SHLD2: variants seen among roughly 807,000 people sequenced by gnomAD.
SHLD2 encodes the protein RINN1-REV7-interacting novel NHEJ regulator 2.
SHLD2 carries 30 observed loss-of-function variants against 73.2 expected under a neutral mutation model. The ratio of observed to expected loss-of-function variants is 0.41; its 90% CI spans 0.31 to 0.56. The LOEUF is 0.56. Among genes scored for constraint, SHLD2 ranks in the 20% least tolerant of loss-of-function variants. SHLD2 has a pLI of 0.28. For synonymous variants in SHLD2, 285 were observed against 370.1 expected (o/e 0.77, Z 2.64); for missense variants, 745 against 1,055.9 (o/e 0.71, Z 4.08).
intron 2 of SHLD2, chr10:87,115,489 A>G (rs1843193134): frequency 6.8e-6 from 1 of 147,894 alleles, no homozygotes; most frequent in Non-Finnish European, 1.5e-5. Flanking sequence ...TCTGTTGGGA[A>G]TGCCCTGAAA....
At chr10:87,133,975 G>A (rs1844614624) in intron 2 of SHLD2, among the ~76,000 whole-genome samples, 1 of 152,156 alleles carries the variant, frequency 6.6e-6, no homozygotes, top group Non-Finnish European at 1.5e-5. Context: ...TAAACAATGA[G>A]ACAAATACAT....
intron 3 of SHLD2, among the ~76,000 whole-genome samples, chr10:87,153,756 G>A (rs536956665): frequency 2.0e-5 from 3 of 152,260 alleles, no homozygotes; most frequent in Non-Finnish European, 2.9e-5. Flanking sequence ...CTACTTTTCA[G>A]TTGAGGAAGC....
chr10:87,095,321 TG>T (rs1436313625), intron 1 of SHLD2, 73 bp downstream of exon 1: 507 of 151,796 alleles, frequency 3.3e-3, no homozygotes, highest in Non-Finnish European at 5.1e-3. Context: ...GGCTGGCCTC[TG>T]TAGGGCGCTC....
At chr10:87,140,014 A>G (rs1045433751) in intron 2 of SHLD2, among the ~76,000 whole-genome samples, 3 of 152,214 alleles carry the variant, frequency 2.0e-5, no homozygotes, top group Non-Finnish European at 4.4e-5. Flanking sequence ...AAATACTAGA[A>G]CAAAGTTAAT....
At chr10:87,145,702 G>GTTCATCC (rs557470578) in intron 2 of SHLD2, among the ~76,000 whole-genome samples, 4,957 of 149,820 alleles carry the variant, frequency 0.033, 64 homozygotes, top group Middle Eastern at 0.11. Context: ...AGTTCATCCT[G>GTTCATCC]TTTTAGAAAT....
At chr10:87,112,377 A>G (rs1842983988) in intron 2 of SHLD2, among the ~76,000 whole-genome samples, 1 of 152,112 alleles carries the variant, frequency 6.6e-6, no homozygotes, top group African/African-American at 2.4e-5. Context: ...TAAAAATCAC[A>G]GTGAGGCCAG....
intron 2 of SHLD2, among the ~76,000 whole-genome samples, chr10:87,127,056 A>G (rs969722331): frequency 1.3e-5 from 2 of 152,120 alleles, no homozygotes; most frequent in African/African-American, 4.8e-5. Flanking sequence ...CATCTGACAC[A>G]GTTACATTTA....
intron 9 of SHLD2, among the ~76,000 whole-genome samples, chr10:87,189,857 A>G (rs1404416355): frequency 6.6e-6 from 1 of 152,194 alleles, no homozygotes; most frequent in African/African-American, 2.4e-5. Flanking sequence ...AAAAATGAAT[A>G]TATGCATAAG....
chr10:87,120,254 A>AT (rs764204596), intron 2 of SHLD2, among the ~76,000 whole-genome samples: 88 of 149,614 alleles, frequency 5.9e-4, no homozygotes, highest in African/African-American at 2.1e-3. Flanking sequence ...TTATTTATTT[A>AT]TTTATTTTTT....
chr10:87,190,670 A>G lies in SHLD2; in HGVS notation c.2702A>G (p.Asn901Ser), dbSNP rs1013055853. Reference sequence around the variant, plus strand: ...CCTGACATTGTAAAGCATGGAGCCAATGCCCGTCTCTGAGGCCAGAGGAAG... The same window carrying G: ...CCTGACATTGTAAAGCATGGAGCCAGTGCCCGTCTCTGAGGCCAGAGGAAG... ...FYPDIVKHGANARL is the reference protein window; with the variant it reads ...FYPDIVKHGASARL Residue 901 changes from asparagine (N) to serine (S), a missense_variant, in exon 10 of 10, where the codon AAT (asparagine) becomes AGT (serine). Physicochemically the swap from Asn to Ser is conservative, Grantham distance 46 (BLOSUM62 1). Transcript: ENST00000298786. The G allele has an allele frequency of 1.2e-6, 2 of 1,611,758 alleles. No homozygotes were observed. Among genetic ancestry groups the G allele is most frequent in the African/African-American group, 1.3e-5 (1 of 74,838 alleles).
At chr10:87,123,103 G>C (rs1257837670) in intron 2 of SHLD2, among the ~76,000 whole-genome samples, 2 of 152,078 alleles carry the variant, frequency 1.3e-5, no homozygotes, top group African/African-American at 4.8e-5. Flanking sequence ...AGTAGAGACG[G>C]AGTTTCACCA....
At chr10:87,167,853 C>G (rs1183026966) in intron 4 of SHLD2, among the ~76,000 whole-genome samples, 1 of 152,086 alleles carries the variant, frequency 6.6e-6, no homozygotes, top group African/African-American at 2.4e-5. Context: ...TCATGTTGCC[C>G]AAGCTGGCCT....
intron 2 of SHLD2, among the ~76,000 whole-genome samples, chr10:87,111,040 C>T (rs1842887450): frequency 6.6e-6 from 1 of 152,044 alleles, no homozygotes; most frequent in African/African-American, 2.4e-5. Flanking sequence ...GATGGGGTTT[C>T]ACCATATTGG....
intron 7 of SHLD2, 85 bp from the exon 8 acceptor site, chr10:87,179,990 A>G: frequency 1.1e-6 from 1 of 889,902 alleles, no homozygotes; most frequent in Middle Eastern, 2.7e-4. Context: ...GTGACTGTAA[A>G]TCAACTATAA....
chr10:87,097,718 C>T (rs1841997327), intron 2 of SHLD2, among the ~76,000 whole-genome samples: 1 of 151,808 alleles, frequency 6.6e-6, no homozygotes, highest in South Asian at 2.1e-4. Context: ...TTCATGAGTA[C>T]CCTATAAAAC....
intron 2 of SHLD2, among the ~76,000 whole-genome samples, chr10:87,107,107 A>AAAG (rs56386341): frequency 2.0e-5 from 3 of 146,422 alleles, no homozygotes; most frequent in African/African-American, 2.5e-5. Context: ...AAAAAAAAAA[A>AAAG]AGAGATTTAA....
At chr10:87,096,385 A>C (rs67141022) in intron 1 of SHLD2, among the ~76,000 whole-genome samples, 43,698 of 151,812 alleles carry the variant, frequency 0.29, 6,405 homozygotes, top group Middle Eastern at 0.35. Context: ...ATGAGGGTTC[A>C]GTTATGTATT....
At chr10:87,185,202 G>A (rs1465194295) in intron 8 of SHLD2, among the ~76,000 whole-genome samples, 1 of 152,084 alleles carries the variant, frequency 6.6e-6, no homozygotes, top group Non-Finnish European at 1.5e-5. Context: ...GCTTCACTTA[G>A]CATGATGTTT....
chr10:87,154,349 A>G (rs1846230060), intron 3 of SHLD2: 1 of 150,630 alleles, frequency 6.6e-6, no homozygotes, highest in Non-Finnish European at 1.5e-5. Flanking sequence ...GACTACAGGC[A>G]CGCATGCCGC....
Sources: gnomAD v4.1 joint callset for allele counts (sites outside exome capture counted in the v4.1 genomes callset) on GRCh38, gnomAD v4.1.1 for gene constraint, MANE v1.5 for transcripts, NCBI Gene and HGNC (gene_info 2026-07-23, HGNC 2026-07-21) for gene names.